Variants in EPN1 observed in about 807,000 individuals in gnomAD.
EPN1 encodes epsin 1, also known as epsin-1.
In EPN1, 25 loss-of-function variants were observed where a neutral mutation model predicts 56.9. The observed-to-expected ratio is 0.44, with a 90% CI of 0.32 to 0.61. The LOEUF (loss-of-function observed/expected upper bound fraction) is 0.61, where lower values mean the gene tolerates loss of function less well. Among genes scored for constraint, EPN1 ranks in the 20% least tolerant of loss-of-function variants. EPN1 has a pLI of 0.05. For synonymous variants in EPN1, 411 were observed against 361.8 expected (o/e 1.14, Z -1.54); for missense variants, 785 against 823.7 (o/e 0.95, Z 0.58).
At position 55,697,268 on chromosome 19, in the gene EPN1, G is replaced by C. The variant is rs1262330435; in HGVS notation, c.*1912G>C. The C allele has an allele frequency of 6.6e-6, 1 of 152,174 alleles. No homozygotes were observed. 9.4% of individuals were successfully genotyped at this position (152,174 alleles called of 1,614,324 possible). A position where few individuals can be genotyped will look rare whatever the true frequency, so the allele number is the denominator to read the frequency against. On this transcript the variant is annotated 3_prime_UTR_variant, in exon 11 of 11. Transcript: ENST00000270460. ...AGGGCACAGAGAGCCAGCTGAAGGC[G>C]GCAGCTCTGGGTGGGATCACATGGA...
rs1987055979 is a variant in EPN1 at position 55,699,765 on chromosome 19, C to T, written c.*4409C>T. 1 of 152,202 alleles carries T rather than the reference C, an allele frequency of 6.6e-6. No individual in the cohort carries two copies. The highest frequency in any genetic ancestry group is 6.5e-5 in the Admixed American group (1 of 15,282). 9.4% of individuals were successfully genotyped at this position (152,202 alleles called of 1,614,324 possible). The stretch of plus-strand genomic sequence containing the variant: ...CGTCCTGGGACAGCCCACGCTTCCA[C>T]AGGGTTCCAGCATGCTTTCCGCCGA... On this transcript the variant is annotated 3_prime_UTR_variant, in exon 11 of 11. Transcript: ENST00000270460.
At position 55,694,602 on chromosome 19, in the gene EPN1, C is replaced by T. The variant is rs1175108245; in HGVS notation, c.1265-124C>T. On this transcript the variant is annotated intron_variant, in intron 9 of 10. Coordinates refer to ENST00000270460, the MANE Select transcript of EPN1 (RefSeq NM_001130072.2). The surrounding 1 kb of genome is among the most constrained non-coding windows in gnomAD (Gnocchi z 4.2). The stretch of plus-strand genomic sequence containing the variant: ...ATGCTTCCGCTCTGCACCTCAGTTC[C>T]TCCTTCCCGAGGCCTCTGGGCACCG... The T allele has an allele frequency of 3.3e-6, 4 of 1,230,052 alleles. No individual in the cohort carries two copies. The highest frequency in any genetic ancestry group is 2.6e-5 in the East Asian group (1 of 38,044). 76.2% of individuals were successfully genotyped at this position (1,230,052 alleles called of 1,614,324 possible). A position where few individuals can be genotyped will look rare whatever the true frequency, so the allele number is the denominator to read the frequency against.
At chr19:55,677,861 T>A in intron 1 of EPN1, 1 of 1,241,014 alleles carries the variant, frequency 8.1e-7, no homozygotes, top group East Asian at 2.8e-5. Flanking sequence ...GCCCTCCCTC[T>A]CCACTTCCTC....
At chr19:55,686,380 C>G (rs1438464199) in intron 3 of EPN1, among the ~76,000 whole-genome samples, 1 of 152,178 alleles carries the variant, frequency 6.6e-6, no homozygotes, top group Non-Finnish European at 1.5e-5. Context: ...CCAGGCTCTT[C>G]TGCTCTCCAG....
At position 55,691,741 on chromosome 19, in the gene EPN1, C is replaced by CT; in HGVS notation, c.763-12dup. The CT allele has an allele frequency of 6.2e-7, 1 of 1,607,064 alleles. No individual in the cohort carries two copies. The highest frequency in any genetic ancestry group is 1.7e-4 in the Middle Eastern group (1 of 6,012). On this transcript the variant is annotated splice_polypyrimidine_tract_variant and intron_variant, in intron 6 of 10. Coordinates refer to ENST00000270460, the MANE Select transcript of EPN1 (RefSeq NM_001130072.2). The surrounding 1 kb of genome is among the most constrained non-coding windows in gnomAD (Gnocchi z 5.6). ...CACTTCTTCATGCTCCTTCTCTTCT[C>CT]TCTCCCCCACAGTCGTCCCTCATGG...
In EPN1 at chr19:55,696,385, C is replaced by T. The variant is rs1231183454; in HGVS notation, c.*1029C>T. ...GGGCTAGGTGACAGCTTGTTGCAGG[C>T]CCCACAGCCAGGGCCTCAGGGATGG... On this transcript the variant is annotated 3_prime_UTR_variant, in exon 11 of 11. Coordinates refer to ENST00000270460, the MANE Select transcript of EPN1 (RefSeq NM_001130072.2). 1 of 152,306 alleles carries T rather than the reference C, an allele frequency of 6.6e-6. No individual in the cohort carries two copies. Among genetic ancestry groups the T allele is most frequent in the African/African-American group, 2.4e-5 (1 of 41,434 alleles). The allele number at this position is 152,306 out of a possible 1,614,324, so 9.4% of individuals were successfully genotyped here.
rs943160139 is a variant in EPN1 at position 55,706,406 on chromosome 19, C to T, written c.*11050C>T. The T allele has an allele frequency of 6.6e-6, 1 of 152,092 alleles. No individual in the cohort carries two copies. Among genetic ancestry groups the T allele is most frequent in the Non-Finnish European group, 1.5e-5 (1 of 68,550 alleles). 9.4% of individuals were successfully genotyped at this position (152,092 alleles called of 1,614,324 possible). A position where few individuals can be genotyped will look rare whatever the true frequency, so the allele number is the denominator to read the frequency against. On this transcript the variant is annotated 3_prime_UTR_variant, in exon 11 of 11. Coordinates refer to ENST00000270460, the MANE Select transcript of EPN1 (RefSeq NM_001130072.2). ...GTGGCTCATGTCTGAAATCCTAGCA[C>T]TTTGGGAGGCTGAGGCGGGTGGATC...
At position 55,689,004 on chromosome 19, in the gene EPN1, G is replaced by A. The variant is rs767882305; in HGVS notation, c.603+10G>A. ...GGAGGAGGCCGACCAGGTACTGGGC[G>A]TGCAGCTGGGGCTGTCTGTCCGCCA... On this transcript the variant is annotated intron_variant, in intron 4 of 10. Transcript: ENST00000270460. This position sits in a 1 kb window ranked among gnomAD's most constrained non-coding sequence, Gnocchi z 5.7. 12 of 1,589,204 alleles carry A rather than the reference G, an allele frequency of 7.6e-6. No individual in the cohort carries two copies. The highest frequency in any genetic ancestry group is 6.8e-5 in the South Asian group (6 of 88,864).
At chr19:55,688,522 C>A (rs1466891078) in intron 3 of EPN1, among the ~76,000 whole-genome samples, 1 of 152,168 alleles carries the variant, frequency 6.6e-6, no homozygotes, top group African/African-American at 2.4e-5. Context: ...ACCTCCCATC[C>A]CCCAGGGGCC....
Position 55,692,012 on chromosome 19 carries a change from G to A in EPN1, c.1021G>A (p.Ala341Thr). 6.8e-7 allele frequency: 1 copy of A among 1,476,194 alleles called. No homozygotes were observed. Among genetic ancestry groups the A allele is most frequent in the Non-Finnish European group, 8.9e-7 (1 of 1,121,108 alleles). The allele number at this position is 1,476,194 out of a possible 1,614,324, so 91.4% of individuals were successfully genotyped here. Residue 341 changes from alanine (A) to threonine (T), a missense_variant, in exon 7 of 11, where the codon GCA becomes ACA. Ala to Thr is a moderately conservative substitution (Grantham distance 58). Around this residue, in one of 2 missense-constraint regions of EPN1, gnomAD observed 650 missense variants for 605.0 expected, o/e 1.07. Coordinates refer to ENST00000270460, the MANE Select transcript of EPN1 (RefSeq NM_001130072.2). ...VDPWGGTPAP[A>T]AGEGPTPDPW... ...CCCTTGGGGTGGGACCCCAGCCCCT[G>A]CAGCTGGGGAGGGGCCCACGCCTGA... is the stretch of plus-strand genomic sequence containing the variant.
intron 1 of EPN1, among the ~76,000 whole-genome samples, chr19:55,678,151 G>A (rs540086858): frequency 4.4e-4 from 67 of 152,320 alleles, no homozygotes; most frequent in African/African-American, 1.5e-3. Flanking sequence ...GGGCAGGACG[G>A]AGGGCCTCCT....
chr19:55,706,280 CTTCTTTTTTT>C lies in EPN1; in HGVS notation c.*10927_*10936del, dbSNP rs924335996. The stretch of plus-strand genomic sequence containing the variant: ...TTTCTTCCTTTCTTCTCTTTTTCTT[CTTCTTTTTTT>C]TTTTTTTTTAAAAGACCGTGTTTCG... On this transcript the variant is annotated 3_prime_UTR_variant, in exon 11 of 11. Coordinates refer to ENST00000270460, the MANE Select transcript of EPN1 (RefSeq NM_001130072.2). 0.01 allele frequency: 1,299 copies of C among 129,362 alleles called. 49 individuals are homozygous for C. The highest frequency in any genetic ancestry group is 0.036 in the African/African-American group (1,146 of 31,700). 8.0% of individuals were successfully genotyped at this position (129,362 alleles called of 1,614,324 possible).
chr19:55,694,979 A>G lies in EPN1; in HGVS notation c.1518A>G (p.Pro506=). Residue 506 remains proline, a synonymous_variant, in exon 10 of 11, where the codon CCA becomes CCG. Transcript: ENST00000270460. This position sits in a 1 kb window ranked among gnomAD's most constrained non-coding sequence, Gnocchi z 4.2. ...PGAKASNPFL[P]GGGPATGPSV... ...CCAAGGCCTCCAACCCCTTCCTGCC[A>G]GGCGGTGAGTGTGGGCCCATCACCT... is the stretch of plus-strand genomic sequence containing the variant. 6.4e-7 allele frequency: 1 copy of G among 1,556,768 alleles called. No individual in the cohort carries two copies. Among genetic ancestry groups the G allele is most frequent in the Non-Finnish European group, 8.7e-7 (1 of 1,152,062 alleles).
In EPN1 at chr19:55,709,027, A is replaced by C. The variant is rs754577949; in HGVS notation, c.*13671A>C. The stretch of plus-strand genomic sequence containing the variant: ...CAGGATCTTCTGAGTTTCTTCATCA[A>C]AGCCAGATTTGTGCAGCCTGGGAAA... On this transcript the variant is annotated 3_prime_UTR_variant, in exon 11 of 11. Transcript: ENST00000270460. 1.3e-6 allele frequency: 2 copies of C among 1,576,466 alleles called. No homozygotes were observed. The highest frequency in any genetic ancestry group is 1.4e-5 in the African/African-American group (1 of 72,306).
Position 55,689,070 on chromosome 19 carries a change from C to T in EPN1, c.603+76C>T, listed in dbSNP as rs981310603. On this transcript the variant is annotated intron_variant, in intron 4 of 10. Transcript: ENST00000270460. The surrounding 1 kb of genome is among the most constrained non-coding windows in gnomAD (Gnocchi z 5.7). ...CACTTCAGGCTCCCTCCCAGCCAGG[C>T]GTGGGCCTGGCCCTCACTGTCGCTG... 38 of 1,489,116 alleles carry T rather than the reference C, an allele frequency of 2.6e-5. No homozygotes were observed. Among genetic ancestry groups the T allele is most frequent in the East Asian group, 7.2e-5 (3 of 41,566 alleles). 92.2% of individuals were successfully genotyped at this position (1,489,116 alleles called of 1,614,324 possible).
rs1290222392 is a variant in EPN1, at chr19:55,704,695, AG to A, written c.*9340del. 4 of 152,368 alleles carry A rather than the reference AG, an allele frequency of 2.6e-5. No individual in the cohort carries two copies. Among genetic ancestry groups the A allele is most frequent in the Non-Finnish European group, 5.9e-5 (4 of 68,164 alleles). 9.4% of individuals were successfully genotyped at this position (152,368 alleles called of 1,614,324 possible). On this transcript the variant is annotated 3_prime_UTR_variant, in exon 11 of 11. Transcript: ENST00000270460. ...TTGCTGTCTCACCCCGTATCGCAAAAGCTCACGCATGTGTCTCTCCCGAGTC... is the reference window on the plus strand; with the variant it reads ...TTGCTGTCTCACCCCGTATCGCAAAACTCACGCATGTGTCTCTCCCGAGTC...
At chr19:55,677,516 G>T in intron 1 of EPN1, 1 of 1,274,730 alleles carries the variant, frequency 7.8e-7, no homozygotes. Context: ...GCCATTCCTG[G>T]TGTGTGACCT....
At chr19:55,680,096 C>T (rs937139846) in intron 2 of EPN1, among the ~76,000 whole-genome samples, 2 of 152,148 alleles carry the variant, frequency 1.3e-5, no homozygotes, top group African/African-American at 2.4e-5. Context: ...GTGGTGCTGG[C>T]AGCCAGGGTG....
chr19:55,699,104 A>G lies in EPN1; in HGVS notation c.*3748A>G, dbSNP rs1987024340. 1 of 152,156 alleles carries G rather than the reference A, an allele frequency of 6.6e-6. No homozygotes were observed. Among genetic ancestry groups the G allele is most frequent in the African/African-American group, 2.4e-5 (1 of 41,422 alleles). 9.4% of individuals were successfully genotyped at this position (152,156 alleles called of 1,614,324 possible). A position where few individuals can be genotyped will look rare whatever the true frequency, so the allele number is the denominator to read the frequency against. ...TTAAGTTCTAGGGTACCTATGCACA[A>G]CGCGCAGGTTTGTTACATATATATA... On this transcript the variant is annotated 3_prime_UTR_variant, in exon 11 of 11. Coordinates refer to ENST00000270460, the MANE Select transcript of EPN1 (RefSeq NM_001130072.2).
Sources: gnomAD v4.1 joint callset for allele counts (sites outside exome capture counted in the v4.1 genomes callset) on GRCh38, gnomAD v4.1.1 for gene constraint, gnomAD v4.1.1 regional missense constraint, Gnocchi (gnomAD v3.1) non-coding constraint, MANE v1.5 for transcripts, NCBI Gene and HGNC (gene_info 2026-07-23, HGNC 2026-07-21) for gene names.